RBFOX1: variants seen among roughly 807,000 people sequenced by gnomAD.
RBFOX1 encodes RNA binding protein fox-1 homolog 1.
In RBFOX1, 8 loss-of-function variants were observed where a neutral mutation model predicts 57.7. The observed-to-expected ratio is 0.14, with a 90% CI of 0.08 to 0.25. RBFOX1 has a LOEUF of 0.25. Among genes scored for constraint, RBFOX1 ranks in the 10% least tolerant of loss-of-function variants. RBFOX1 has a pLI of 1.00. For missense variants in RBFOX1, 611 were observed against 548.5 expected, an observed-to-expected ratio of 1.11 and a Z score of -1.14; for synonymous variants, 326 against 222.4, an observed-to-expected ratio of 1.47 and a Z score of -4.15.
chr16:7,685,219 G>C (rs1215995818), intron 14 of RBFOX1, among the ~76,000 whole-genome samples: 1 of 152,038 alleles, frequency 6.6e-6, no homozygotes, highest in African/African-American at 2.4e-5. Flanking sequence ...GTTGACAAAG[G>C]GTTGTCCTGC....
chr16:7,392,260 A>T (rs528751819), intron 4 of RBFOX1, among the ~76,000 whole-genome samples: 2 of 152,124 alleles, frequency 1.3e-5, no homozygotes, highest in Non-Finnish European at 2.9e-5. Context: ...TCTAGGTTGG[A>T]CAACTTTCCC....
chr16:5,959,228 C>T (rs1224998473), intron 4 of RBFOX1, among the ~76,000 whole-genome samples: 2 of 152,316 alleles, frequency 1.3e-5, no homozygotes, highest in South Asian at 2.1e-4. Context: ...TTTAACCATT[C>T]ACAGAGGGAA....
intron 5 of RBFOX1, among the ~76,000 whole-genome samples, chr16:7,523,550 G>C (rs1418857661): frequency 6.6e-6 from 1 of 152,152 alleles, no homozygotes; most frequent in African/African-American, 2.4e-5. Context: ...ATGTATGGTG[G>C]ACCGGTTAGC....
rs1555531460 is a variant in RBFOX1, at chr16:7,509,420, G to GTC, written c.28-8726_28-8725insCT. On this transcript the variant is annotated intron_variant, in intron 4 of 15. Transcript: ENST00000550418. Reference sequence around the variant, plus strand: ...TGTGTGTGTGTGTGTGTGTGTGTGTGTGTGTGTGTGTCTGTGTCTGTGTCT... The same window carrying GTC: ...TGTGTGTGTGTGTGTGTGTGTGTGTGTCTGTGTGTGTGTCTGTGTCTGTGTCT... Among the ~76,000 whole-genome samples the GTC allele has an allele frequency of 7.6e-3, 936 of 123,386 alleles. 19 individuals carry two copies. Among genetic ancestry groups the GTC allele is most frequent in the African/African-American group, 0.026 (884 of 34,462 alleles). The allele number at this position is 123,386 out of a possible 152,430, so 80.9% of individuals were successfully genotyped here.
At chr16:6,908,433 T>A (rs1451399726) in intron 3 of RBFOX1, among the ~76,000 whole-genome samples, 3 of 152,148 alleles carry the variant, frequency 2.0e-5, no homozygotes, top group African/African-American at 7.2e-5. Flanking sequence ...CACTGATACC[T>A]CTGGCCTCTG....
chr16:6,291,028 C>T (rs1599255146), intron 1 of RBFOX1, among the ~76,000 whole-genome samples: 1 of 152,272 alleles, frequency 6.6e-6, no homozygotes, highest in East Asian at 1.9e-4. Flanking sequence ...TCAGGCCTCC[C>T]CTTTTTAGAC....
At chr16:6,505,027 T>C (rs138610658) in intron 2 of RBFOX1, among the ~76,000 whole-genome samples, 2 of 152,154 alleles carry the variant, frequency 1.3e-5, no homozygotes, top group African/African-American at 4.8e-5. Flanking sequence ...GAGCCAAGAT[T>C]GTGCTGCTCT....
intron 2 of RBFOX1, among the ~76,000 whole-genome samples, chr16:6,611,437 G>A (rs2098051506): frequency 6.6e-6 from 1 of 152,170 alleles, no homozygotes. Flanking sequence ...GTGAGCCACT[G>A]TGCCTGGCCG....
intron 4 of RBFOX1, among the ~76,000 whole-genome samples, chr16:7,170,360 C>G (rs1013510705): frequency 4.6e-5 from 7 of 152,274 alleles, no homozygotes; most frequent in African/African-American, 1.7e-4. Context: ...GCCGCTTGAA[C>G]TCCTGGGTGC....
At chr16:7,513,995 T>C (rs1289104596) in intron 4 of RBFOX1, among the ~76,000 whole-genome samples, 21 of 152,208 alleles carry the variant, frequency 1.4e-4, no homozygotes, top group Admixed American at 1.4e-3. Context: ...TTCTCTCTCT[T>C]TCTACTTCAC....
chr16:5,289,439 A>G (rs1452596325), intron 1 of RBFOX1: 2 of 250,246 alleles, frequency 8.0e-6, no homozygotes, highest in Non-Finnish European at 1.6e-5. Context: ...TCAAATACAC[A>G]TTAGATTGTG....
intron 3 of RBFOX1, among the ~76,000 whole-genome samples, chr16:6,744,532 C>G: frequency 6.6e-6 from 1 of 151,804 alleles, no homozygotes; most frequent in Admixed American, 6.6e-5. Flanking sequence ...AAATAAATGA[C>G]AGAAATATAA....
intron 15 of RBFOX1, chr16:7,710,272 T>C (rs1210975372): frequency 5.5e-6 from 6 of 1,096,004 alleles, no homozygotes; most frequent in African/African-American, 1.7e-5. Context: ...TGTTGGAGAG[T>C]TGAATTACAT....
chr16:7,580,012 G>A, intron 6 of RBFOX1, 92 bp downstream of exon 6: 4 of 1,391,458 alleles, frequency 2.9e-6, no homozygotes, highest in South Asian at 1.3e-5. Context: ...ACAATACTAA[G>A]GTTAGATGTT....
chr16:6,160,344 G>T (rs765516468), intron 1 of RBFOX1, among the ~76,000 whole-genome samples: 11 of 152,156 alleles, frequency 7.2e-5, no homozygotes, highest in Non-Finnish European at 1.2e-4. Context: ...TTATGATAGA[G>T]AAGCAGATTA....
chr16:6,825,220 G>A (rs575141702), intron 3 of RBFOX1, among the ~76,000 whole-genome samples: 1 of 150,228 alleles, frequency 6.7e-6, no homozygotes, highest in African/African-American at 2.4e-5. Context: ...AGGCTGCTTA[G>A]CAATTAACCT....
chr16:5,811,851 G>C (rs748337157), intron 3 of RBFOX1, among the ~76,000 whole-genome samples: 1 of 152,112 alleles, frequency 6.6e-6, no homozygotes. Flanking sequence ...TGAATTTATG[G>C]AGTCATGTAG....
At chr16:5,745,349 A>G (rs2052936706) in intron 3 of RBFOX1, among the ~76,000 whole-genome samples, 1 of 152,138 alleles carries the variant, frequency 6.6e-6, no homozygotes, top group African/African-American at 2.4e-5. Context: ...TCATTGATGG[A>G]CATTTGGGTT....
At chr16:7,034,329 GC>G in intron 3 of RBFOX1, among the ~76,000 whole-genome samples, 1 of 152,174 alleles carries the variant, frequency 6.6e-6, no homozygotes, top group East Asian at 1.9e-4. Context: ...AAGGCAGAAA[GC>G]TAGATCATGC....
Sources: allele counts gnomAD v4.1 joint callset (sites outside exome capture counted in the v4.1 genomes callset), GRCh38; gene constraint gnomAD v4.1.1; transcripts MANE v1.5; gene names NCBI Gene and HGNC (gene_info 2026-07-23, HGNC 2026-07-21).